Variants in EPHB1 observed in about 807,000 individuals in gnomAD.
EPHB1 encodes the protein ephrin type-B receptor 1.
A neutral mutation model predicts 94.4 loss-of-function variants in EPHB1; 30 were observed. The observed-to-expected ratio is 0.32, with a 90% CI of 0.24 to 0.43. The LOEUF is 0.43. Among genes scored for constraint, EPHB1 ranks in the 20% least tolerant of loss-of-function variants. EPHB1 has a pLI of 1.00. For synonymous variants in EPHB1, 522 were observed against 489.1 expected, an observed-to-expected ratio of 1.07 and a Z score of -0.89; for missense variants, 1,055 against 1,308.3, an observed-to-expected ratio of 0.81 and a Z score of 2.99.
At chr3:135,197,564 A>T (rs373206478) in intron 11 of EPHB1, among the ~76,000 whole-genome samples, 24 of 152,368 alleles carry the variant, frequency 1.6e-4, no homozygotes, top group East Asian at 1.5e-3. Context: ...CAAACAAATC[A>T]AATAAGAGTT....
chr3:134,878,077 C>T (rs915020729), intron 1 of EPHB1, among the ~76,000 whole-genome samples: 4 of 152,218 alleles, frequency 2.6e-5, no homozygotes, highest in Admixed American at 1.3e-4. Context: ...GGAGGGCAGG[C>T]ACTGAGTGTG....
At chr3:135,205,153 C>T (rs1216945820) in intron 12 of EPHB1, among the ~76,000 whole-genome samples, 1 of 151,980 alleles carries the variant, frequency 6.6e-6, no homozygotes, top group African/African-American at 2.4e-5. Context: ...GAATAGTACT[C>T]CATTGTGTAT....
intron 5 of EPHB1, among the ~76,000 whole-genome samples, chr3:135,145,371 T>C (rs1187300631): frequency 6.6e-6 from 1 of 152,204 alleles, no homozygotes; most frequent in Non-Finnish European, 1.5e-5. Flanking sequence ...CAATCCTTCA[T>C]TCACAACCCC....
chr3:135,078,889 A>T (rs573225447), intron 3 of EPHB1, among the ~76,000 whole-genome samples: 1 of 152,348 alleles, frequency 6.6e-6, no homozygotes, highest in African/African-American at 2.4e-5. Context: ...TGGCAGGCTC[A>T]TGCCCTTTGC....
intron 3 of EPHB1, among the ~76,000 whole-genome samples, chr3:134,960,660 G>C (rs756637487): frequency 1.3e-5 from 2 of 152,168 alleles, no homozygotes; most frequent in Non-Finnish European, 2.9e-5. Flanking sequence ...GACCAGGGAG[G>C]TCAGGAAGAA....
intron 1 of EPHB1, among the ~76,000 whole-genome samples, chr3:134,834,126 G>C (rs540052241): frequency 1.9e-3 from 292 of 152,254 alleles, no homozygotes; most frequent in Non-Finnish European, 3.2e-3. Flanking sequence ...GGCAGGAGAT[G>C]AGAAGGTCCA....
At chr3:135,006,351 C>T (rs570678783) in intron 3 of EPHB1, among the ~76,000 whole-genome samples, 2 of 152,174 alleles carry the variant, frequency 1.3e-5, no homozygotes, top group East Asian at 3.9e-4. Flanking sequence ...TTAATGAGTA[C>T]AGAATTTCGT....
chr3:134,861,670 C>G (rs2037262289), intron 1 of EPHB1, among the ~76,000 whole-genome samples: 1 of 152,080 alleles, frequency 6.6e-6, no homozygotes, highest in Non-Finnish European at 1.5e-5. Flanking sequence ...TCAGACCCCA[C>G]AGAGGTGGGA....
chr3:135,080,953 C>G lies in EPHB1; in HGVS notation c.806-25495C>G, dbSNP rs78561586. On this transcript the variant is annotated intron_variant, in intron 3 of 15. Transcript: ENST00000398015. The stretch of plus-strand genomic sequence containing the variant: ...GAGTGATATAATTCCTGTACAGCCT[C>G]TAGCACAGTGCTTGGAACTTAACCA... Among the ~76,000 whole-genome samples, 235 of 152,310 alleles carry G rather than the reference C, an allele frequency of 1.5e-3. 4 individuals are homozygous for G. The East Asian group carries it at 0.035, about 23-fold the overall frequency.
intron 1 of EPHB1, among the ~76,000 whole-genome samples, chr3:134,888,443 C>T (rs1280589507): frequency 6.6e-6 from 1 of 152,162 alleles, no homozygotes; most frequent in Non-Finnish European, 1.5e-5. Context: ...GGTGTGGTGG[C>T]TCACGCCTGT....
chr3:134,855,041 T>C (rs996616003), intron 1 of EPHB1, among the ~76,000 whole-genome samples: 3 of 152,198 alleles, frequency 2.0e-5, no homozygotes, highest in Admixed American at 6.5e-5. Context: ...TATACATATA[T>C]ACACATGCGC....
intron 12 of EPHB1, among the ~76,000 whole-genome samples, chr3:135,207,619 G>T (rs1199546129): frequency 6.6e-6 from 1 of 152,190 alleles, no homozygotes; most frequent in African/African-American, 2.4e-5. Flanking sequence ...TTGCCTAACT[G>T]TGTCTAGGAG....
intron 3 of EPHB1, among the ~76,000 whole-genome samples, chr3:135,054,849 A>G (rs558296642): frequency 6.6e-6 from 1 of 152,226 alleles, no homozygotes; most frequent in Non-Finnish European, 1.5e-5. Context: ...CTCACCTTAA[A>G]AGTGCTTCCT....
chr3:135,047,067 C>T (rs151165819), intron 3 of EPHB1, among the ~76,000 whole-genome samples: 259 of 152,208 alleles, frequency 1.7e-3, no homozygotes, highest in African/African-American at 5.9e-3. Flanking sequence ...GCCAAGGCCC[C>T]GAGGCTTATG....
chr3:135,005,629 C>G (rs958715642), intron 3 of EPHB1, among the ~76,000 whole-genome samples: 3 of 152,348 alleles, frequency 2.0e-5, no homozygotes, highest in African/African-American at 2.4e-5. Context: ...GTGTAGGACC[C>G]TCCGAGCCAG....
intron 2 of EPHB1, among the ~76,000 whole-genome samples, chr3:134,948,271 G>A (rs1235750082): frequency 6.7e-6 from 1 of 149,852 alleles, no homozygotes; most frequent in Non-Finnish European, 1.5e-5. Flanking sequence ...TGTGTGTACT[G>A]AGACCCAACT....
In EPHB1 at chr3:134,952,050, A is replaced by T; in HGVS notation, c.803A>T (p.Lys268Met). The T allele has an allele frequency of 1.3e-6, 2 of 1,598,130 alleles. No individual in the cohort carries two copies. Among genetic ancestry groups the T allele is most frequent in the Non-Finnish European group, 1.7e-6 (2 of 1,169,454 alleles). ...GAGCCTGAGAACAGCGTGGCATGCA[A>T]GGGTAAGCTTTGGAGCCTCTGCTTC... ...GYEPENSVAC[K>M]ACPAGTFKAS... The change falls in exon 3 of 16, where the codon AAG becomes ATG. Residue 268 changes from lysine to methionine, a missense_variant and splice_region_variant. By Grantham distance (95) the Lys-to-Met change is moderately conservative (BLOSUM62 -1). Coordinates refer to ENST00000398015, the MANE Select transcript of EPHB1 (RefSeq NM_004441.5).
rs373377002 is a variant in EPHB1 at position 134,861,580 on chromosome 3, G to T, written c.59-64236G>T. 3.9e-4 allele frequency among the ~76,000 whole-genome samples: 59 copies of T among 152,318 alleles called. 1 individual carries two copies. The South Asian group carries it at 0.012, about 30-fold the overall frequency. On this transcript the variant is annotated intron_variant, in intron 1 of 15. Coordinates refer to ENST00000398015, the MANE Select transcript of EPHB1 (RefSeq NM_004441.5). ...AGAAAAGAAAAGCTGAGGAAAAACTGTGTGAAAGAGTTACGGAAGGGATGG... is the reference window on the plus strand; with the variant it reads ...AGAAAAGAAAAGCTGAGGAAAAACTTTGTGAAAGAGTTACGGAAGGGATGG...
At chr3:135,214,992 T>A (rs1241739448) in intron 12 of EPHB1, among the ~76,000 whole-genome samples, 1 of 152,060 alleles carries the variant, frequency 6.6e-6, no homozygotes, top group African/African-American at 2.4e-5. Flanking sequence ...TTTGTATGAT[T>A]TTGTTAGATT....
Sources: gnomAD v4.1 joint callset for allele counts (sites outside exome capture counted in the v4.1 genomes callset) on GRCh38, gnomAD v4.1.1 for gene constraint, MANE v1.5 for transcripts, NCBI Gene and HGNC (gene_info 2026-07-23, HGNC 2026-07-21) for gene names.